The following AGMO variants were observed in gnomAD, a reference collection of about 807,000 sequenced individuals.
The protein encoded by AGMO is alkylglycerol monooxygenase, also known as glyceryl-ether monooxygenase.
A neutral mutation model predicts 60.2 loss-of-function variants in AGMO; 75 were observed. The observed-to-expected ratio is 1.25, with a 90% CI of 1.03 to 1.51. The LOEUF is 1.51. Among genes scored for constraint, AGMO ranks in the 40% most tolerant of loss-of-function variants. The probability of loss-of-function intolerance (pLI) is 0.00; values close to 1 mark genes in which losing one functional copy is unlikely to be tolerated. For missense variants in AGMO, 763 were observed against 525.5 expected (o/e 1.45, Z -4.42); for synonymous variants, 261 against 177.1 (o/e 1.47, Z -3.76).
intron 5 of AGMO, among the ~76,000 whole-genome samples, chr7:15,397,994 G>T (rs1321515275): frequency 6.6e-6 from 1 of 152,186 alleles, no homozygotes; most frequent in Non-Finnish European, 1.5e-5. Flanking sequence ...GGGATCCTCA[G>T]CAGTCAGGAC....
the AGMO span, among the ~76,000 whole-genome samples, chr7:15,150,185 T>C: frequency 6.6e-6 from 1 of 152,084 alleles, no homozygotes; most frequent in Non-Finnish European, 1.5e-5. Context: ...AAGTTGTTTT[T>C]CAGTTGTAGG....
At chr7:15,528,853 G>C (rs1264213219) in intron 3 of AGMO, among the ~76,000 whole-genome samples, 1 of 152,040 alleles carries the variant, frequency 6.6e-6, no homozygotes, top group African/African-American at 2.4e-5. Context: ...TCTCCATGTT[G>C]GTCAGGCTGG....
At chr7:15,342,903 A>G (rs2128550309) in intron 12 of AGMO, among the ~76,000 whole-genome samples, 1 of 151,492 alleles carries the variant, frequency 6.6e-6, no homozygotes, top group South Asian at 2.1e-4. Flanking sequence ...AAGTGTGGTT[A>G]ATAATAGGTA....
chr7:15,392,507 A>T (rs996024629), intron 6 of AGMO, among the ~76,000 whole-genome samples: 1 of 152,078 alleles, frequency 6.6e-6, no homozygotes, highest in Admixed American at 6.6e-5. Flanking sequence ...TTAAAAGTCA[A>T]AAATGCTTTT....
chr7:15,171,823 T>C, the AGMO span, among the ~76,000 whole-genome samples: 3 of 152,118 alleles, frequency 2.0e-5, no homozygotes, highest in African/African-American at 4.8e-5. Context: ...CTTGAGAAAT[T>C]TGGGGGAAAG....
At chr7:15,222,514 T>G (rs1781952425) in intron 12 of AGMO, among the ~76,000 whole-genome samples, 2 of 152,116 alleles carry the variant, frequency 1.3e-5, no homozygotes, top group African/African-American at 4.8e-5. Flanking sequence ...TTAGTCATCT[T>G]GCTTTTTGGC....
chr7:15,522,842 A>C (rs1784035188), intron 3 of AGMO, among the ~76,000 whole-genome samples: 1 of 152,206 alleles, frequency 6.6e-6, no homozygotes, highest in African/African-American at 2.4e-5. Flanking sequence ...CAAAATTGAC[A>C]AATGGGATCT....
the AGMO span, among the ~76,000 whole-genome samples, chr7:15,130,239 T>C: frequency 6.6e-6 from 1 of 152,070 alleles, no homozygotes; most frequent in Non-Finnish European, 1.5e-5. Context: ...ACTCTTAATA[T>C]TTATTTTCCT....
intron 10 of AGMO, among the ~76,000 whole-genome samples, chr7:15,381,119 A>AC (rs1220610348): frequency 1.3e-5 from 2 of 152,036 alleles, no homozygotes; most frequent in African/African-American, 4.8e-5. Flanking sequence ...ACAGACAAAA[A>AC]CAAAGATTTC....
intron 3 of AGMO, among the ~76,000 whole-genome samples, chr7:15,537,691 A>C (rs6975498): frequency 1.4e-4 from 22 of 152,282 alleles, no homozygotes; most frequent in African/African-American, 5.1e-4. Context: ...TAATAATTCA[A>C]TGAATTTATG....
At chr7:15,346,552 C>T (rs1472505903) in intron 12 of AGMO, among the ~76,000 whole-genome samples, 8 of 151,012 alleles carry the variant, frequency 5.3e-5, no homozygotes, top group Admixed American at 5.3e-4. Context: ...ATAAAAGCAA[C>T]ACTGTATTGT....
At chr7:15,465,308 G>T (rs1782251670) in intron 3 of AGMO, among the ~76,000 whole-genome samples, 1 of 151,336 alleles carries the variant, frequency 6.6e-6, no homozygotes, top group Non-Finnish European at 1.5e-5. Context: ...AGTAAATATA[G>T]AAGTCTTCCG....
At chr7:15,309,554 T>A (rs79806878) in intron 12 of AGMO, among the ~76,000 whole-genome samples, 1 of 152,152 alleles carries the variant, frequency 6.6e-6, no homozygotes, top group African/African-American at 2.4e-5. Flanking sequence ...GTTGTTTTCA[T>A]TGAATTTTAT....
intron 12 of AGMO, among the ~76,000 whole-genome samples, chr7:15,353,019 A>C (rs574041930): frequency 6.6e-6 from 1 of 152,176 alleles, no homozygotes; most frequent in East Asian, 1.9e-4. Flanking sequence ...TGCGCACGGC[A>C]CACTCAGACG....
At chr7:15,259,073 C>G (rs1436344536) in intron 12 of AGMO, among the ~76,000 whole-genome samples, 4 of 151,788 alleles carry the variant, frequency 2.6e-5, no homozygotes, top group African/African-American at 9.7e-5. Flanking sequence ...CTCTGAATTG[C>G]CAGAAAAAGA....
intron 3 of AGMO, among the ~76,000 whole-genome samples, chr7:15,493,362 C>CACACACACT (rs71004386): frequency 2.0e-5 from 2 of 102,264 alleles, no homozygotes; most frequent in African/African-American, 8.0e-5. Flanking sequence ...CACACACACA[C>CACACACACT]TTCTTTTTTT....
rs36074413 is a variant in AGMO at position 15,289,943 on chromosome 7, C to CTTT, written c.1263+75568_1263+75570dup. Among the ~76,000 whole-genome samples the CTTT allele has an allele frequency of 5.7e-4, 18 of 31,358 alleles. 1 individual carries two copies. The highest frequency in any genetic ancestry group is 1.2e-3 in the African/African-American group (13 of 10,614). 20.6% of individuals were successfully genotyped at this position (31,358 alleles called of 152,430 possible). On this transcript the variant is annotated intron_variant, in intron 12 of 12. Coordinates refer to ENST00000342526, the MANE Select transcript of AGMO (RefSeq NM_001004320.2). The stretch of plus-strand genomic sequence containing the variant: ...CAAGAGTATCATTTATTCCAGAAAT[C>CTTT]TTTTTTTTTTTTTTTTTTTTTTTTT...
chr7:15,381,148 A>G (rs1372929041), intron 10 of AGMO, among the ~76,000 whole-genome samples: 1 of 152,072 alleles, frequency 6.6e-6, no homozygotes, highest in Admixed American at 6.6e-5. Context: ...GACGCCAAAA[A>G]CAATTGCAAC....
At chr7:15,146,213 A>G in the AGMO span, among the ~76,000 whole-genome samples, 1 of 152,144 alleles carries the variant, frequency 6.6e-6, no homozygotes, top group African/African-American at 2.4e-5. Context: ...GTTATAAAAT[A>G]TGTATTTTCA....
Sources: gnomAD v4.1 joint callset for allele counts (sites outside exome capture counted in the v4.1 genomes callset) on GRCh38, gnomAD v4.1.1 for gene constraint, MANE v1.5 for transcripts, NCBI Gene and HGNC (gene_info 2026-07-23, HGNC 2026-07-21) for gene names.